The following ASS1 variants were observed in gnomAD, a reference collection of about 807,000 sequenced individuals.
The protein encoded by ASS1 is argininosuccinate synthase.
A neutral mutation model predicts 60.5 loss-of-function variants in ASS1; 58 were observed. The ratio of observed to expected loss-of-function variants is 0.96; its 90% CI spans 0.78 to 1.19. ASS1 has a LOEUF of 1.19. Among genes scored for constraint, ASS1 ranks in the 50% most tolerant of loss-of-function variants. ASS1 has a pLI of 0.00. For synonymous variants in ASS1, 200 were observed against 206.9 expected (o/e 0.97, Z 0.29); for missense variants, 454 against 547.3 (o/e 0.83, Z 1.70).
chr9:130,498,868 G>T (rs944085454), intron 13 of ASS1, among the ~76,000 whole-genome samples: 5 of 152,182 alleles, frequency 3.3e-5, no homozygotes, highest in African/African-American at 1.2e-4. Flanking sequence ...AGTCTGAGAG[G>T]TGGAAACTGT....
rs1846537931 is a variant in ASS1 at position 130,494,795 on chromosome 9, G to A, written c.971-72G>A. Reference sequence around the variant, plus strand: ...GGGTAAACCATGGGGCACCCTTCCTGTGCCCCAGGTCTCCCTGTGTCCTCG... The same window carrying A: ...GGGTAAACCATGGGGCACCCTTCCTATGCCCCAGGTCTCCCTGTGTCCTCG... On this transcript the variant is annotated intron_variant, in intron 12 of 14. Transcript: ENST00000352480. This position sits in a 1 kb window ranked among gnomAD's most constrained non-coding sequence, Gnocchi z 4.3. The A allele has an allele frequency of 1.9e-6, 3 of 1,586,700 alleles. No homozygotes were observed. In the South Asian group the frequency reaches 3.3e-5, roughly 18 times the overall value.
At chr9:130,461,263 G>A (rs920334586) in intron 4 of ASS1, among the ~76,000 whole-genome samples, 1 of 151,534 alleles carries the variant, frequency 6.6e-6, no homozygotes, top group African/African-American at 2.4e-5. Context: ...GGGTCCATGC[G>A]GAGACCCCCA....
intron 1 of ASS1, chr9:130,451,979 T>A (rs550050235): frequency 2.1e-4 from 136 of 653,380 alleles, no homozygotes; most frequent in South Asian, 2.0e-3. Context: ...CCGACCAGCC[T>A]AGGACTGCAG....
Position 130,480,425 on chromosome 9 carries a change from C to T in ASS1, c.814C>T (p.Arg272Cys), listed in dbSNP as rs762387914. 1.6e-5 allele frequency: 26 copies of T among 1,614,168 alleles called. No homozygotes were observed. The highest frequency in any genetic ancestry group is 4.5e-5 in the East Asian group (2 of 44,880). Residue 272 changes from arginine to cysteine, a missense_variant, in exon 11 of 15, where the codon CGC becomes TGC. By Grantham distance (180) the Arg-to-Cys change is radical. Transcript: ENST00000352480. Reference sequence around the variant, plus strand: ...GGGCCGTATTGACATCGTGGAGAACCGCTTCATTGGAATGAAGTCCCGAGG... The same window carrying T: ...GGGCCGTATTGACATCGTGGAGAACTGCTTCATTGGAATGAAGTCCCGAGG... ...GVGRIDIVEN[R>C]FIGMKSRGIY...
intron 11 of ASS1, among the ~76,000 whole-genome samples, chr9:130,484,608 G>A (rs1003213391): frequency 4.6e-5 from 7 of 152,088 alleles, no homozygotes; most frequent in South Asian, 4.2e-4. Context: ...TCTCTTCCAC[G>A]GCAACACAGA....
In ASS1 at chr9:130,478,461, A is replaced by T. The variant is rs1298487818; in HGVS notation, c.689-1255A>T. On this transcript the variant is annotated intron_variant, in intron 9 of 14. Coordinates refer to ENST00000352480, the MANE Select transcript of ASS1 (RefSeq NM_054012.4). This position sits in a 1 kb window ranked among gnomAD's most constrained non-coding sequence, Gnocchi z 4.7. ...GGCAGCTCCGCAGGCTGAGCTGGAG[A>T]AGAAACGTGACCTATTGTCATGATT... 6.6e-6 allele frequency among the ~76,000 whole-genome samples: 1 copy of T among 152,192 alleles called. No individual in the cohort carries two copies. The highest frequency in any genetic ancestry group is 1.5e-5 in the Non-Finnish European group (1 of 68,024).
rs568901836 is a variant in ASS1, at chr9:130,477,058, G to A, written c.688+97G>A. 32 of 1,282,064 alleles carry A rather than the reference G, an allele frequency of 2.5e-5. No individual in the cohort carries two copies. The highest frequency in any genetic ancestry group is 2.2e-4 in the Admixed American group (12 of 54,992). 79.4% of individuals were successfully genotyped at this position (1,282,064 alleles called of 1,614,324 possible). ...GGGAACCTAGGCCCTCTTTACCCCC[G>A]CCCTGCATTCCTGGAAGCTAGAGTT... On this transcript the variant is annotated intron_variant, in intron 9 of 14. Coordinates refer to ENST00000352480, the MANE Select transcript of ASS1 (RefSeq NM_054012.4). This position sits in a 1 kb window ranked among gnomAD's most constrained non-coding sequence, Gnocchi z 4.2.
intron 11 of ASS1, among the ~76,000 whole-genome samples, chr9:130,486,936 C>T (rs1398963048): frequency 6.6e-6 from 1 of 152,374 alleles, no homozygotes; most frequent in South Asian, 2.1e-4. Flanking sequence ...AGCAGTTGAT[C>T]ACTTTGCCAA....
intron 13 of ASS1, among the ~76,000 whole-genome samples, chr9:130,497,668 GC>G (rs1471333453): frequency 2.6e-5 from 4 of 152,224 alleles, no homozygotes; most frequent in Non-Finnish European, 5.9e-5. Flanking sequence ...TGCCAGGGCA[GC>G]TGGGAAGTTC....
At chr9:130,445,057 C>A in intron 1 of ASS1, 62 bp downstream of exon 1, 1 of 730,600 alleles carries the variant, frequency 1.4e-6, no homozygotes, top group Non-Finnish European at 1.7e-6. Flanking sequence ...GCTTCCCGGG[C>A]CCAGAGGAGG....
chr9:130,448,403 CACACAGGTGTGT>C (rs1845243511), intron 1 of ASS1, among the ~76,000 whole-genome samples: 1 of 137,082 alleles, frequency 7.3e-6, no homozygotes, highest in African/African-American at 2.7e-5. Flanking sequence ...CCCCTGGGTG[CACACAGGTGTGT>C]GCGCGCGCAC....
intron 5 of ASS1, among the ~76,000 whole-genome samples, chr9:130,464,808 T>A (rs1244796593): frequency 6.6e-6 from 1 of 151,862 alleles, no homozygotes; most frequent in African/African-American, 2.4e-5. Context: ...CGTCCATGCA[T>A]GAATGATGGA....
rs73541957 is a variant in ASS1 at position 130,454,295 on chromosome 9, T to G, written c.106-10T>G. On this transcript the variant is annotated splice_polypyrimidine_tract_variant and intron_variant, in intron 2 of 14. Coordinates refer to ENST00000352480, the MANE Select transcript of ASS1 (RefSeq NM_054012.4). The stretch of plus-strand genomic sequence containing the variant: ...GGGGCTGACGGAGCCTCTCCGCTTC[T>G]GCTTCTCAGGCCAACATTGGCCAGA... 1,581 of 1,609,626 alleles carry G rather than the reference T, an allele frequency of 9.8e-4. 16 individuals are homozygous for G. The African/African-American group carries it at 0.019, about 19-fold the overall frequency.
intron 2 of ASS1, among the ~76,000 whole-genome samples, chr9:130,452,857 C>T (rs945229323): frequency 1.3e-5 from 2 of 152,234 alleles, no homozygotes; most frequent in Admixed American, 6.5e-5. Flanking sequence ...CCCTCTCAAA[C>T]TAGCTCCTCT....
rs887484584 is a variant in ASS1, at chr9:130,494,595, G to A, written c.971-272G>A. Among the ~76,000 whole-genome samples, 1 of 152,232 alleles carries A rather than the reference G, an allele frequency of 6.6e-6. No individual in the cohort carries two copies. The highest frequency in any genetic ancestry group is 1.5e-5 in the Non-Finnish European group (1 of 68,032). On this transcript the variant is annotated intron_variant, in intron 12 of 14. Transcript: ENST00000352480. This position sits in a 1 kb window ranked among gnomAD's most constrained non-coding sequence, Gnocchi z 4.3. ...TCCTGAATGCCTATGGCATGAAGCA[G>A]TGGGTCACTTCCCTCCTCCTGACCC...
chr9:130,492,126 C>T (rs1846464176), intron 12 of ASS1, among the ~76,000 whole-genome samples: 1 of 152,182 alleles, frequency 6.6e-6, no homozygotes. Flanking sequence ...AGTGCTTATT[C>T]CAGTGCGTGA....
At chr9:130,495,971 A>C (rs1230733451) in intron 13 of ASS1, among the ~76,000 whole-genome samples, 1 of 152,090 alleles carries the variant, frequency 6.6e-6, no homozygotes, top group Admixed American at 6.6e-5. Context: ...GTTTCTTTTG[A>C]GATAGCTGGG....
chr9:130,480,581 A>G, intron 11 of ASS1, 132 bp downstream of exon 11: 4 of 897,132 alleles, frequency 4.5e-6, no homozygotes, highest in Non-Finnish European at 7.1e-6. Flanking sequence ...CTTTCACCAC[A>G]CCCCGTGAGA....
chr9:130,452,299 T>G lies in ASS1; in HGVS notation c.71T>G (p.Leu24Arg). ...GLDTSCILVW[L>R]KEQGYDVIAY... ...GACACCTCGTGCATCCTCGTGTGGC[T>G]GAAGGAACAAGGCTATGACGTCATT... The change falls in exon 2 of 15, where the codon CTG becomes CGG. Residue 24 changes from leucine (L) to arginine (R), a missense_variant. Coordinates refer to ENST00000352480, the MANE Select transcript of ASS1 (RefSeq NM_054012.4). 6.2e-7 allele frequency: 1 copy of G among 1,614,112 alleles called. No individual in the cohort carries two copies. Among genetic ancestry groups the G allele is most frequent in the East Asian group, 2.2e-5 (1 of 44,872 alleles).
Sources: allele counts gnomAD v4.1 joint callset (sites outside exome capture counted in the v4.1 genomes callset), GRCh38; gene constraint gnomAD v4.1.1; non-coding constraint Gnocchi (gnomAD v3.1); transcripts MANE v1.5; gene names NCBI Gene and HGNC (gene_info 2026-07-23, HGNC 2026-07-21).